Variants in GMDS observed in about 807,000 individuals in gnomAD.
GMDS encodes the protein GDP-mannose 4,6-dehydratase.
A neutral mutation model predicts 49.9 loss-of-function variants in GMDS; 20 were observed. That is an observed-to-expected ratio of 0.40 (90% CI 0.28 to 0.58). The LOEUF (loss-of-function observed/expected upper bound fraction) is 0.58, where lower values mean the gene tolerates loss of function less well. Ranked by LOEUF, GMDS falls within the 20% of genes least tolerant of loss-of-function variation. The pLI, the probability that GMDS is intolerant of heterozygous loss-of-function variation, is 0.42. For synonymous variants in GMDS, 177 were observed against 178.6 expected (o/e 0.99, Z 0.07); for missense variants, 362 against 481.4 (o/e 0.75, Z 2.32).
chr6:2,113,584 C>T (rs1774675069), intron 4 of GMDS, among the ~76,000 whole-genome samples: 1 of 152,012 alleles, frequency 6.6e-6, no homozygotes, highest in Non-Finnish European at 1.5e-5. Flanking sequence ...TAGTTTCCCG[C>T]TACGTCTGTA....
chr6:1,882,845 C>T lies in GMDS; in HGVS notation c.771+47258G>A, dbSNP rs1396225678. 2.0e-5 allele frequency among the ~76,000 whole-genome samples: 3 copies of T among 152,228 alleles called. No individual in the cohort carries two copies. The South Asian group carries it at 6.2e-4, about 32-fold the overall frequency. ...TGGGTTATCCAAGTTCAGAATTCCC[C>T]GGTCTTTATAACTTTTAGGCTTAGC... On this transcript the variant is annotated intron_variant, in intron 7 of 10. Coordinates refer to ENST00000380815, the MANE Select transcript of GMDS (RefSeq NM_001500.4).
At chr6:2,025,360 GT>G (rs1561985327) in intron 4 of GMDS, among the ~76,000 whole-genome samples, 3 of 788 alleles carry the variant, frequency 3.8e-3, no homozygotes, top group East Asian at 0.1. Flanking sequence ...ATGGTGGGGT[GT>G]GTGTGTGTGT....
At chr6:1,920,840 T>C (rs1761680152) in intron 7 of GMDS, among the ~76,000 whole-genome samples, 1 of 152,192 alleles carries the variant, frequency 6.6e-6, no homozygotes, top group Non-Finnish European at 1.5e-5. Context: ...CTCATGGACT[T>C]GGTAAGTGTG....
intron 1 of GMDS, among the ~76,000 whole-genome samples, chr6:2,184,786 T>C (rs917203277): frequency 1.3e-5 from 2 of 152,228 alleles, no homozygotes; most frequent in African/African-American, 4.8e-5. Context: ...AAAAAATCTA[T>C]CATATTACCA....
intron 9 of GMDS, among the ~76,000 whole-genome samples, chr6:1,685,073 G>C (rs1269668237): frequency 6.6e-6 from 1 of 150,550 alleles, no homozygotes; most frequent in African/African-American, 2.4e-5. Flanking sequence ...ATTAACACTT[G>C]TAAAGCACCT....
intron 1 of GMDS, among the ~76,000 whole-genome samples, chr6:2,174,358 T>C (rs1346892483): frequency 6.6e-6 from 1 of 152,238 alleles, no homozygotes; most frequent in Non-Finnish European, 1.5e-5. Flanking sequence ...TAGAACTCCA[T>C]GCTTAAATTC....
intron 1 of GMDS, among the ~76,000 whole-genome samples, chr6:2,214,378 GA>G (rs1225078339): frequency 6.6e-6 from 1 of 151,706 alleles, no homozygotes; most frequent in African/African-American, 2.4e-5. Context: ...AAATATGAGG[GA>G]AAAAAAATGG....
intron 9 of GMDS, among the ~76,000 whole-genome samples, chr6:1,658,567 G>A (rs558830526): frequency 2.4e-4 from 36 of 152,326 alleles, no homozygotes; most frequent in Middle Eastern, 3.4e-3. Context: ...AGAAACATCA[G>A]TCTTTCTGAA....
chr6:1,988,445 G>GAA (rs1439909138), intron 4 of GMDS, among the ~76,000 whole-genome samples: 3 of 152,068 alleles, frequency 2.0e-5, no homozygotes, highest in Non-Finnish European at 4.4e-5. Context: ...CCTTTGGGAT[G>GAA]AAAGAGCTCC....
At chr6:2,204,200 G>A (rs559923971) in intron 1 of GMDS, among the ~76,000 whole-genome samples, 18 of 151,984 alleles carry the variant, frequency 1.2e-4, no homozygotes, top group African/African-American at 2.7e-4. Context: ...TCATTTTCCC[G>A]GCCCTCTTTA....
chr6:1,964,623 T>C (rs1764156948), intron 4 of GMDS, among the ~76,000 whole-genome samples: 1 of 152,238 alleles, frequency 6.6e-6, no homozygotes, highest in African/African-American at 2.4e-5. Context: ...AAGGAAGCTG[T>C]ACAACATGAA....
Position 2,245,346 on chromosome 6 carries a change from G to C in GMDS, c.77C>G (p.Ala26Gly). The C allele has an allele frequency of 6.4e-7, 1 of 1,552,436 alleles. No individual in the cohort carries two copies. Among genetic ancestry groups the C allele is most frequent in the Non-Finnish European group, 8.7e-7 (1 of 1,153,856 alleles). The change falls in exon 1 of 11, where the codon GCG (alanine) becomes GGG (glycine). Residue 26 changes from alanine (A) to glycine (G), a missense_variant. Coordinates refer to ENST00000380815, the MANE Select transcript of GMDS (RefSeq NM_001500.4). The stretch of plus-strand genomic sequence containing the variant: ...CTGGCCTGTGATACCGGTGATGAGC[G>C]CCACGTTCCTGGGCTTGCCCATCTC... ...DGEMGKPRNV[A>G]LITGITGQDG...
At chr6:1,948,715 A>G (rs1763201103) in intron 6 of GMDS, among the ~76,000 whole-genome samples, 1 of 152,152 alleles carries the variant, frequency 6.6e-6, no homozygotes, top group Non-Finnish European at 1.5e-5. Context: ...AATCTTTCAC[A>G]CGTCCTTGAT....
At chr6:1,734,404 T>C (rs558517351) in intron 8 of GMDS, among the ~76,000 whole-genome samples, 37 of 152,372 alleles carry the variant, frequency 2.4e-4, no homozygotes, top group African/African-American at 8.9e-4. Flanking sequence ...GCTGAATTCA[T>C]ATGCCAAGAG....
At chr6:2,202,963 G>A (rs998335944) in intron 1 of GMDS, among the ~76,000 whole-genome samples, 1 of 152,130 alleles carries the variant, frequency 6.6e-6, no homozygotes, top group Admixed American at 6.5e-5. Flanking sequence ...GGTCTGGGCT[G>A]TGCACCCCCT....
intron 7 of GMDS, among the ~76,000 whole-genome samples, chr6:1,792,166 C>T (rs577025966): frequency 1.3e-5 from 2 of 152,100 alleles, no homozygotes; most frequent in East Asian, 1.9e-4. Context: ...TTATTTTCTT[C>T]AGAGTCAACT....
intron 4 of GMDS, among the ~76,000 whole-genome samples, chr6:2,104,953 C>A (rs551136374): frequency 1.3e-5 from 2 of 151,912 alleles, no homozygotes; most frequent in Admixed American, 6.6e-5. Flanking sequence ...GAGGCTGAGG[C>A]GGGCAGATCA....
At chr6:1,737,536 T>TACACACCACACACACAGATACACAC (rs1342522659) in intron 8 of GMDS, among the ~76,000 whole-genome samples, 1 of 135,630 alleles carries the variant, frequency 7.4e-6, no homozygotes, top group Non-Finnish European at 1.6e-5. Flanking sequence ...TACACACACA[T>TACACACCACACACACAGATACACAC]ACACACCACA....
chr6:1,753,598 C>A (rs1244052487), intron 7 of GMDS, among the ~76,000 whole-genome samples: 2 of 152,216 alleles, frequency 1.3e-5, no homozygotes, highest in South Asian at 4.1e-4. Flanking sequence ...CTTCTCAGCA[C>A]CACATTCCAC....
Sources: gnomAD v4.1 joint callset for allele counts (sites outside exome capture counted in the v4.1 genomes callset) on GRCh38, gnomAD v4.1.1 for gene constraint, MANE v1.5 for transcripts, NCBI Gene and HGNC (gene_info 2026-07-23, HGNC 2026-07-21) for gene names.